Variants in DDR2 observed in about 807,000 individuals in gnomAD.
The protein encoded by DDR2 is discoidin domain receptor tyrosine kinase 2, also known as discoidin domain-containing receptor 2.
DDR2 carries 27 observed loss-of-function variants against 94.9 expected under a neutral mutation model. The observed-to-expected ratio is 0.28, with a 90% CI of 0.21 to 0.39. The LOEUF is 0.39. DDR2 is among the 10% of genes least tolerant of loss of function. The pLI is 1.00. For missense variants in DDR2, 783 were observed against 1,076.0 expected, an observed-to-expected ratio of 0.73 and a Z score of 3.81; for synonymous variants, 382 against 377.2, an observed-to-expected ratio of 1.01 and a Z score of -0.15.
intron 2 of DDR2, among the ~76,000 whole-genome samples, chr1:162,708,368 G>C (rs542802563): frequency 6.6e-6 from 1 of 152,170 alleles, no homozygotes; most frequent in African/African-American, 2.4e-5. Context: ...TGTTGATTGG[G>C]CCTGCACTAA....
chr1:162,670,626 C>T (rs1274781439), intron 2 of DDR2, among the ~76,000 whole-genome samples: 1 of 151,406 alleles, frequency 6.6e-6, no homozygotes, highest in Non-Finnish European at 1.5e-5. Flanking sequence ...GAAACTGTTG[C>T]CCTCTAGTTT....
chr1:162,658,891 T>C (rs1252945148), intron 2 of DDR2, among the ~76,000 whole-genome samples: 1 of 145,402 alleles, frequency 6.9e-6, no homozygotes, highest in Non-Finnish European at 1.5e-5. Context: ...AACCAAGGGC[T>C]GACATGGACA....
At chr1:162,678,869 A>G (rs1357282850) in intron 2 of DDR2, among the ~76,000 whole-genome samples, 4 of 152,202 alleles carry the variant, frequency 2.6e-5, no homozygotes, top group Non-Finnish European at 5.9e-5. Context: ...AGACCTGCAC[A>G]TCAGGGAGAG....
At position 162,696,693 on chromosome 1, in the gene DDR2, C is replaced by T. The variant is rs116707526; in HGVS notation, c.-27-22344C>T. ...ACAGCTACACCCTCCTGGCTGGAGCCTAAACCAGAGGCCCCTTTCCTCCCT... is the reference window on the plus strand; with the variant it reads ...ACAGCTACACCCTCCTGGCTGGAGCTTAAACCAGAGGCCCCTTTCCTCCCT... On this transcript the variant is annotated intron_variant, in intron 2 of 17. Coordinates refer to ENST00000367921, the MANE Select transcript of DDR2 (RefSeq NM_006182.4). Among the ~76,000 whole-genome samples the T allele has an allele frequency of 3.4e-3, 521 of 152,234 alleles. 2 individuals carry two copies. The highest frequency in any genetic ancestry group is 0.012 in the African/African-American group (504 of 41,532).
At chr1:162,670,757 T>C (rs1450806752) in intron 2 of DDR2, among the ~76,000 whole-genome samples, 1 of 152,230 alleles carries the variant, frequency 6.6e-6, no homozygotes. Context: ...CCCCTAGTGC[T>C]TCTGTTGTCT....
intron 1 of DDR2, among the ~76,000 whole-genome samples, chr1:162,639,843 G>A (rs1278152649): frequency 6.6e-6 from 1 of 152,148 alleles, no homozygotes; most frequent in Non-Finnish European, 1.5e-5. Context: ...CAAAACTATG[G>A]AAACAGTAAA....
chr1:162,683,017 C>A (rs187904520), intron 2 of DDR2, among the ~76,000 whole-genome samples: 24 of 152,040 alleles, frequency 1.6e-4, no homozygotes, highest in Non-Finnish European at 3.4e-4. Context: ...TGAATACAAC[C>A]ATGTACAAAA....
chr1:162,713,413 A>G (rs1001661425), intron 2 of DDR2, among the ~76,000 whole-genome samples: 4 of 152,336 alleles, frequency 2.6e-5, no homozygotes, highest in Middle Eastern at 3.4e-3. Context: ...AAATCAAAAC[A>G]TTACAAATAA....
chr1:162,666,214 C>G (rs946924394), intron 2 of DDR2, among the ~76,000 whole-genome samples: 3 of 152,144 alleles, frequency 2.0e-5, no homozygotes, highest in African/African-American at 4.8e-5. Flanking sequence ...TTACTCTCCT[C>G]TCTCTCTCAT....
At chr1:162,642,464 T>TC (rs1657188420) in intron 1 of DDR2, among the ~76,000 whole-genome samples, 1 of 139,404 alleles carries the variant, frequency 7.2e-6, no homozygotes. Context: ...TTTTTTTTTT[T>TC]CTTTCAGTAG....
In DDR2 at chr1:162,737,940, G is replaced by A. The variant is rs563905503; in HGVS notation, c.83-15155G>A. ...ATGAGCATTTTTTCATGTGTTTTTT[G>A]GCTGCATAAATGTCTTCTTTTGAGA... On this transcript the variant is annotated intron_variant, in intron 3 of 17. Coordinates refer to ENST00000367921, the MANE Select transcript of DDR2 (RefSeq NM_006182.4). 5.4e-3 allele frequency among the ~76,000 whole-genome samples: 810 copies of A among 151,388 alleles called. 3 individuals are homozygous for A. The highest frequency in any genetic ancestry group is 0.019 in the African/African-American group (767 of 41,196).
At chr1:162,726,558 C>A (rs1165691673) in intron 3 of DDR2, among the ~76,000 whole-genome samples, 1 of 152,156 alleles carries the variant, frequency 6.6e-6, no homozygotes, top group East Asian at 1.9e-4. Context: ...AAAAACAAAG[C>A]TCCACTTTTT....
rs190903007 is a variant in DDR2, at chr1:162,634,459, G to T, written c.-192+1828G>T. ...AGGGCTTACCCATATCAGCTCTTTC[G>T]ATTAGGATCGGTAAACACAGAACGT... is the stretch of plus-strand genomic sequence containing the variant. On this transcript the variant is annotated intron_variant, in intron 1 of 17. Transcript: ENST00000367921. Among the ~76,000 whole-genome samples the T allele has an allele frequency of 1.6e-3, 238 of 152,270 alleles. 4 individuals carry two copies. Among genetic ancestry groups the T allele is most frequent in the African/African-American group, 5.3e-3 (222 of 41,562 alleles).
chr1:162,690,726 A>C (rs532595911), intron 2 of DDR2, among the ~76,000 whole-genome samples: 26 of 152,222 alleles, frequency 1.7e-4, no homozygotes, highest in Non-Finnish European at 2.8e-4. Flanking sequence ...CTAAAAATAA[A>C]TTAAAGCAAT....
At position 162,772,166 on chromosome 1, in the gene DDR2, A is replaced by G. The variant is rs1341070080; in HGVS notation, c.1647A>G (p.Ser549=). ...SVPAVTMDLL[S]GKDVAVEEFP... ...CTGCCGTCACCATGGACCTGCTCTC[A>G]GGAAAAGATGTGGCTGTGGAGGAGT... The change falls in exon 13 of 18, where the codon TCA becomes TCG. Residue 549 remains serine (S), a synonymous_variant. Coordinates refer to ENST00000367921, the MANE Select transcript of DDR2 (RefSeq NM_006182.4). 1.9e-6 allele frequency: 3 copies of G among 1,614,268 alleles called. No individual in the cohort carries two copies.
intron 3 of DDR2, among the ~76,000 whole-genome samples, chr1:162,738,170 CCT>C (rs1662412278): frequency 7.6e-6 from 1 of 130,760 alleles, no homozygotes; most frequent in Non-Finnish European, 1.6e-5. Flanking sequence ...TCAAATTGTC[CCT>C]GTTTGCAGAC....
At chr1:162,778,526 G>T in intron 16 of DDR2, 54 bp from the exon 17 acceptor site, 2 of 1,607,266 alleles carry the variant, frequency 1.2e-6, no homozygotes, top group Non-Finnish European at 1.7e-6. Context: ...ATTTAACAGG[G>T]TGTTGTTGTG....
intron 2 of DDR2, among the ~76,000 whole-genome samples, chr1:162,692,159 A>T (rs1056423078): frequency 4.6e-5 from 7 of 152,164 alleles, no homozygotes; most frequent in African/African-American, 1.4e-4. Context: ...TTGAGAGCAC[A>T]TCCCTGCCTT....
At chr1:162,635,818 C>A (rs887337502) in intron 1 of DDR2, among the ~76,000 whole-genome samples, 8 of 152,258 alleles carry the variant, frequency 5.3e-5, no homozygotes, top group Non-Finnish European at 1.0e-4. Context: ...TGAACTGCTC[C>A]CCAGGTGATT....
Sources: gnomAD v4.1 joint callset for allele counts (sites outside exome capture counted in the v4.1 genomes callset) on GRCh38, gnomAD v4.1.1 for gene constraint, MANE v1.5 for transcripts, NCBI Gene and HGNC (gene_info 2026-07-23, HGNC 2026-07-21) for gene names.